The following ELF1 variants were observed in gnomAD, a reference collection of about 807,000 sequenced individuals.
ELF1 encodes the protein ETS-related transcription factor Elf-1.
ELF1 carries 24 observed loss-of-function variants against 59.9 expected under a neutral mutation model. The observed-to-expected ratio is 0.40, with a 90% CI of 0.29 to 0.56. ELF1 has a LOEUF of 0.56. ELF1 is among the 20% of genes least tolerant of loss of function. The pLI, the probability that ELF1 is intolerant of heterozygous loss-of-function variation, is 0.44. For missense variants in ELF1, 627 were observed against 742.2 expected (o/e 0.84, Z 1.80); for synonymous variants, 248 against 266.2 (o/e 0.93, Z 0.67).
intron 1 of ELF1, among the ~76,000 whole-genome samples, chr13:41,059,040 G>A (rs891601675): frequency 3.9e-5 from 6 of 152,200 alleles, no homozygotes; most frequent in African/African-American, 1.4e-4. Flanking sequence ...AGAGTTATCC[G>A]AGTTATCTTT....
intron 1 of ELF1, among the ~76,000 whole-genome samples, chr13:41,054,314 C>T (rs907636830): frequency 6.3e-4 from 96 of 152,254 alleles, no homozygotes; most frequent in African/African-American, 2.2e-3. Context: ...CTGCATGCAC[C>T]AACGTGGAAG....
chr13:40,982,194 G>T lies in ELF1; in HGVS notation c.-140C>A. On this transcript the variant is annotated 5_prime_UTR_variant, in exon 2 of 9. Transcript: ENST00000239882. ...AATTGTATACCCAAGTTTTCTTTAG[G>T]GAAGGTGCTTCAGTTTTCCTGGTTC... is the stretch of plus-strand genomic sequence containing the variant. 7.7e-7 allele frequency: 1 copy of T among 1,306,498 alleles called. No homozygotes were observed. 80.9% of individuals were successfully genotyped at this position (1,306,498 alleles called of 1,614,324 possible).
In ELF1 at chr13:40,949,839, C is replaced by G. The variant is rs772555990; in HGVS notation, c.496G>C (p.Ala166Pro). ...VQEKYADSPG[A>P]SSPEQPKRKK... ...CTCTTAGGCTGTTCTGGTGATGAGG[C>G]TCCCGGTGAGTCTGCATATTTTTCT... The change falls in exon 5 of 9, where the codon GCC (alanine) becomes CCC (proline). Residue 166 changes from alanine (A) to proline (P), a missense_variant. By Grantham distance (27) the Ala-to-Pro change is conservative. Around this residue, in one of 3 missense-constraint regions of ELF1, gnomAD observed 232 missense variants for 269.2 expected, o/e 0.86. Coordinates refer to ENST00000239882, the MANE Select transcript of ELF1 (RefSeq NM_172373.4). 6 of 1,613,992 alleles carry G rather than the reference C, an allele frequency of 3.7e-6. No homozygotes were observed. The highest frequency in any genetic ancestry group is 5.1e-6 in the Non-Finnish European group (6 of 1,180,020).
chr13:40,945,729 T>C (rs534670395), intron 5 of ELF1, among the ~76,000 whole-genome samples: 1 of 152,384 alleles, frequency 6.6e-6, no homozygotes, highest in East Asian at 1.9e-4. Context: ...TAATTCTCCA[T>C]GTCTGTAACT....
rs765833800 is a variant in ELF1 at position 40,941,414 on chromosome 13, A to G, written c.807-44T>C. 20 of 1,484,152 alleles carry G rather than the reference A, an allele frequency of 1.3e-5. 1 individual carries two copies. In the East Asian group the frequency reaches 4.6e-4, roughly 34 times the overall value. The allele number at this position is 1,484,152 out of a possible 1,614,324, so 91.9% of individuals were successfully genotyped here. On this transcript the variant is annotated intron_variant, in intron 7 of 8. Coordinates refer to ENST00000239882, the MANE Select transcript of ELF1 (RefSeq NM_172373.4). ...TTCATCAATCAATCAAACATCAATT[A>G]AAATATTCAACAAAATCAAATTTCC...
chr13:40,950,829 T>C (rs992554296), intron 4 of ELF1, among the ~76,000 whole-genome samples: 2 of 152,236 alleles, frequency 1.3e-5, no homozygotes, highest in Admixed American at 6.5e-5. Context: ...ATAGCAAATA[T>C]TGAATAAACA....
At chr13:40,988,145 G>C (rs1210955194) in intron 1 of ELF1, among the ~76,000 whole-genome samples, 6 of 152,182 alleles carry the variant, frequency 3.9e-5, no homozygotes, top group Non-Finnish European at 8.8e-5. Context: ...CAGAAATGAA[G>C]TCAGTGGTAT....
In ELF1 at chr13:40,949,865, T is replaced by G. The variant is rs1870741091; in HGVS notation, c.470A>C (p.Gln157Pro). 1.2e-6 allele frequency: 2 copies of G among 1,614,164 alleles called. No homozygotes were observed. The highest frequency in any genetic ancestry group is 1.7e-6 in the Non-Finnish European group (2 of 1,180,020). The change falls in exon 5 of 9, where the codon CAA (glutamine) becomes CCA (proline). Residue 157 changes from glutamine to proline, a missense_variant. By Grantham distance (76) the Gln-to-Pro change is moderately conservative. Around this residue, in one of 3 missense-constraint regions of ELF1, gnomAD observed 232 missense variants for 269.2 expected, o/e 0.86. Transcript: ENST00000239882. ...TCCCGGTGAGTCTGCATATTTTTCT[T>G]GCACCTGCTGTGTTTCCATCACTTC... ...IPEVMETQQV[Q>P]EKYADSPGAS...
chr13:41,058,682 C>G (rs1435424957), intron 1 of ELF1, among the ~76,000 whole-genome samples: 1 of 152,232 alleles, frequency 6.6e-6, no homozygotes, highest in Non-Finnish European at 1.5e-5. Flanking sequence ...TTACAAAATA[C>G]AAGGTCAAGG....
chr13:40,940,935 G>C lies in ELF1; in HGVS notation c.1242C>G (p.Ser414=), dbSNP rs1414927549. Residue 414 remains serine, a synonymous_variant, in exon 8 of 9, where the codon TCC becomes TCG. Coordinates refer to ENST00000239882, the MANE Select transcript of ELF1 (RefSeq NM_172373.4). ...GGTTTTCTCACCTAATACTCTGAAC[G>C]GAAGAATTTAATGTTTCATCCTGCA... is the stretch of plus-strand genomic sequence containing the variant. ...STMQDETLNS[S]VQSIRTIQAP... 1.2e-6 allele frequency: 2 copies of C among 1,612,474 alleles called. No homozygotes were observed. Among genetic ancestry groups the C allele is most frequent in the Non-Finnish European group, 1.7e-6 (2 of 1,179,056 alleles).
chr13:40,979,694 T>A (rs1873144325), intron 2 of ELF1, among the ~76,000 whole-genome samples: 1 of 152,202 alleles, frequency 6.6e-6, no homozygotes, highest in African/African-American at 2.4e-5. Context: ...CAAAAAAGAT[T>A]TAGCATAACT....
intron 2 of ELF1, among the ~76,000 whole-genome samples, chr13:40,959,428 G>A (rs112507678): frequency 2.6e-5 from 4 of 152,146 alleles, no homozygotes; most frequent in African/African-American, 7.2e-5. Context: ...CCTGGGAGGC[G>A]GAGGTTGCAG....
chr13:41,008,030 T>A (rs772270960), intron 1 of ELF1, among the ~76,000 whole-genome samples: 12 of 152,166 alleles, frequency 7.9e-5, no homozygotes, highest in Non-Finnish European at 1.2e-4. Flanking sequence ...CACTCACATT[T>A]TAAAAAGGCG....
At chr13:41,016,836 C>A (rs1748423400) in intron 1 of ELF1, among the ~76,000 whole-genome samples, 1 of 142,158 alleles carries the variant, frequency 7.0e-6, no homozygotes, top group Non-Finnish European at 1.5e-5. Flanking sequence ...ATTGCTTGAA[C>A]CCGGGAGACG....
At chr13:40,962,611 G>C (rs1871905826) in intron 2 of ELF1, among the ~76,000 whole-genome samples, 1 of 151,732 alleles carries the variant, frequency 6.6e-6, no homozygotes, top group Non-Finnish European at 1.5e-5. Context: ...GCTTGAACCT[G>C]GGAGGCGGAG....
Position 40,946,669 on chromosome 13 carries a change from C to T in ELF1, c.530-2744G>A, listed in dbSNP as rs868148114. On this transcript the variant is annotated intron_variant, in intron 5 of 8. Coordinates refer to ENST00000239882, the MANE Select transcript of ELF1 (RefSeq NM_172373.4). ...GCAAGACCAAACCCTTTTCTTCCTCCTCCCTCCTCAGCCTAGCCAACATAA... is the reference window on the plus strand; with the variant it reads ...GCAAGACCAAACCCTTTTCTTCCTCTTCCCTCCTCAGCCTAGCCAACATAA... 5.9e-5 allele frequency among the ~76,000 whole-genome samples: 9 copies of T among 152,236 alleles called. No individual in the cohort carries two copies. In the South Asian group the frequency reaches 1.0e-3, roughly 18 times the overall value.
chr13:41,048,445 G>T (rs1394215136), intron 1 of ELF1, among the ~76,000 whole-genome samples: 1 of 152,092 alleles, frequency 6.6e-6, no homozygotes, highest in East Asian at 1.9e-4. Context: ...TTGAGACAAG[G>T]TCTCCATCTG....
intron 1 of ELF1, chr13:40,993,448 C>A: frequency 3.2e-6 from 2 of 621,114 alleles, no homozygotes. Flanking sequence ...TTGCTACTAT[C>A]CGCCCAACTT....
intron 2 of ELF1, among the ~76,000 whole-genome samples, chr13:40,975,511 C>T (rs1872851154): frequency 6.6e-6 from 1 of 152,168 alleles, no homozygotes; most frequent in Non-Finnish European, 1.5e-5. Flanking sequence ...TTTACAATTT[C>T]AATGACAATC....
Sources: gnomAD v4.1 joint callset for allele counts (sites outside exome capture counted in the v4.1 genomes callset) on GRCh38, gnomAD v4.1.1 for gene constraint, gnomAD v4.1.1 regional missense constraint, MANE v1.5 for transcripts, NCBI Gene and HGNC (gene_info 2026-07-23, HGNC 2026-07-21) for gene names.